Variants in LDLRAD4 observed in about 807,000 individuals in gnomAD.
LDLRAD4 encodes the protein low density lipoprotein receptor class A domain containing 4, also known as low-density lipoprotein receptor class A domain-containing protein 4.
In LDLRAD4, 5 loss-of-function variants were observed where a neutral mutation model predicts 17.0. The ratio of observed to expected loss-of-function variants is 0.29; its 90% confidence interval spans 0.15 to 0.62. The LOEUF (loss-of-function observed/expected upper bound fraction) is 0.62, where lower values mean the gene tolerates loss of function less well. LDLRAD4 is among the 20% of genes least tolerant of loss of function. The probability of loss-of-function intolerance (pLI) is 0.84; values close to 1 mark genes in which losing one functional copy is unlikely to be tolerated. For missense variants in LDLRAD4, 340 were observed against 424.7 expected (o/e 0.80, Z 1.75); for synonymous variants, 168 against 171.8 (o/e 0.98, Z 0.17).
chr18:13,575,637 A>C (rs1175858963), intron 3 of LDLRAD4, among the ~76,000 whole-genome samples: 2 of 152,226 alleles, frequency 1.3e-5, no homozygotes, highest in African/African-American at 4.8e-5. Context: ...TAGTTCTTTA[A>C]AGAATCTCCA....
chr18:13,587,040 T>A lies in LDLRAD4; in HGVS notation c.182-34077T>A, dbSNP rs557247434. 3.3e-5 allele frequency among the ~76,000 whole-genome samples: 5 copies of A among 152,140 alleles called. No homozygotes were observed. The East Asian group carries it at 9.7e-4, about 29-fold the overall frequency. ...GCTGGCAATATGAAAATATTATATG[T>A]TTATTCATTTTCTTTTTGGAGGTTT... On this transcript the variant is annotated intron_variant, in intron 3 of 5. Coordinates refer to ENST00000359446, the Ensembl canonical transcript of LDLRAD4.
upstream of LDLRAD4, among the ~76,000 whole-genome samples, chr18:13,276,419 G>T (rs2044871357): frequency 3.3e-5 from 5 of 152,238 alleles, no homozygotes. Flanking sequence ...AGGCTCCACA[G>T]TCAGGCATGG....
chr18:13,541,840 G>C (rs891912884), intron 3 of LDLRAD4, among the ~76,000 whole-genome samples: 1 of 152,184 alleles, frequency 6.6e-6, no homozygotes, highest in Admixed American at 6.5e-5. Context: ...ATAGCTTAAA[G>C]CCAGGAGGAT....
chr18:13,284,928 T>C (rs1198542541), intron 1 of LDLRAD4, among the ~76,000 whole-genome samples: 1 of 152,144 alleles, frequency 6.6e-6, no homozygotes. Context: ...GTGAGGGCAG[T>C]CGCAGGGAGG....
chr18:13,619,976 G>T (rs2040460767), intron 3 of LDLRAD4, among the ~76,000 whole-genome samples: 1 of 151,916 alleles, frequency 6.6e-6, no homozygotes, highest in African/African-American at 2.4e-5. Context: ...CAGTCCCTAG[G>T]GTGTGGGGGT....
chr18:13,431,110 G>A (rs2090306329), intron 2 of LDLRAD4, among the ~76,000 whole-genome samples: 1 of 152,060 alleles, frequency 6.6e-6, no homozygotes, highest in Non-Finnish European at 1.5e-5. Flanking sequence ...TGTTAAAATA[G>A]GATTTTTATT....
At chr18:13,282,801 C>G (rs897294861) in intron 1 of LDLRAD4, among the ~76,000 whole-genome samples, 4 of 152,262 alleles carry the variant, frequency 2.6e-5, no homozygotes, top group Non-Finnish European at 5.9e-5. Context: ...AGTAGGGACT[C>G]TGTGTGGGGG....
At chr18:13,365,208 C>T (rs553663876) in intron 1 of LDLRAD4, among the ~76,000 whole-genome samples, 38 of 152,274 alleles carry the variant, frequency 2.5e-4, no homozygotes, top group African/African-American at 7.7e-4. Context: ...ATGGCTACAC[C>T]GTCCGTGCTT....
chr18:13,421,526 A>G (rs2089450035), intron 2 of LDLRAD4, among the ~76,000 whole-genome samples: 1 of 151,656 alleles, frequency 6.6e-6, no homozygotes, highest in African/African-American at 2.4e-5. Flanking sequence ...TGCTGCATCC[A>G]GTCCCATCCC....
At chr18:13,218,111 G>C (rs2041255254), upstream of LDLRAD4, 1 of 152,158 alleles carries the variant, frequency 6.6e-6, no homozygotes, top group Non-Finnish European at 1.5e-5. Flanking sequence ...GCGGACCCGA[G>C]GTGGCCGCAG....
In LDLRAD4 at chr18:13,318,065, G is replaced by A. The variant is rs79371417; in HGVS notation, c.-383+39877G>A. Reference sequence around the variant, plus strand: ...GTGGTTGAGTATACATCTGCCACTCGTCCGGTCCCTCGCTTCCTGTCCTTG... The same window carrying A: ...GTGGTTGAGTATACATCTGCCACTCATCCGGTCCCTCGCTTCCTGTCCTTG... On this transcript the variant is annotated intron_variant, in intron 1 of 5. Transcript: ENST00000359446. 2.5e-3 allele frequency among the ~76,000 whole-genome samples: 383 copies of A among 152,118 alleles called. 10 individuals are homozygous for A. In the East Asian group the frequency reaches 0.053, roughly 21 times the overall value.
intron 1 of LDLRAD4, among the ~76,000 whole-genome samples, chr18:13,225,082 C>T (rs561980691): frequency 7.9e-5 from 12 of 152,230 alleles, no homozygotes; most frequent in Middle Eastern, 3.4e-3. Flanking sequence ...GTGATCCGCC[C>T]GCCTCAGCCT....
At chr18:13,258,247 T>A (rs1277570950) in intron 1 of LDLRAD4, among the ~76,000 whole-genome samples, 1 of 152,252 alleles carries the variant, frequency 6.6e-6, no homozygotes. Context: ...ATCAGACACC[T>A]TCAGTAGGTA....
At chr18:13,304,812 G>T (rs976269235) in intron 1 of LDLRAD4, among the ~76,000 whole-genome samples, 2 of 152,212 alleles carry the variant, frequency 1.3e-5, no homozygotes, top group African/African-American at 4.8e-5. Context: ...CCTGCTGTGG[G>T]GGTGTAGGAG....
chr18:13,469,794 G>A (rs1030127015), intron 3 of LDLRAD4, among the ~76,000 whole-genome samples: 13 of 152,140 alleles, frequency 8.5e-5, no homozygotes, highest in African/African-American at 3.1e-4. Context: ...GGAAATGGAT[G>A]GTGGTGACAG....
chr18:13,289,616 T>C (rs1207531693), intron 1 of LDLRAD4, among the ~76,000 whole-genome samples: 2 of 152,220 alleles, frequency 1.3e-5, no homozygotes, highest in Non-Finnish European at 2.9e-5. Flanking sequence ...GCCACTGTCA[T>C]ACTTTGCAAA....
chr18:13,628,975 C>T (rs1403649833), intron 4 of LDLRAD4, among the ~76,000 whole-genome samples: 1 of 152,160 alleles, frequency 6.6e-6, no homozygotes, highest in Non-Finnish European at 1.5e-5. Context: ...TGACTATAGG[C>T]ACGCGCAACC....
chr18:13,307,178 A>G (rs1254894663), intron 1 of LDLRAD4, among the ~76,000 whole-genome samples: 1 of 152,138 alleles, frequency 6.6e-6, no homozygotes, highest in Non-Finnish European at 1.5e-5. Context: ...GGCAGATGGA[A>G]ATTGCAGTGT....
At chr18:13,242,591 T>A (rs2042719475) in intron 1 of LDLRAD4, among the ~76,000 whole-genome samples, 1 of 152,156 alleles carries the variant, frequency 6.6e-6, no homozygotes, top group African/African-American at 2.4e-5. Flanking sequence ...AAATAAGAAC[T>A]AAATGCAAAT....
Sources: gnomAD v4.1 joint callset for allele counts (sites outside exome capture counted in the v4.1 genomes callset) on GRCh38, gnomAD v4.1.1 for gene constraint, MANE v1.5 for transcripts, NCBI Gene and HGNC (gene_info 2026-07-23, HGNC 2026-07-21) for gene names.